The following SSBP2 variants were observed in gnomAD, a reference collection of about 807,000 sequenced individuals.
The protein encoded by SSBP2 is single-stranded DNA-binding protein 2.
A neutral mutation model predicts 61.8 loss-of-function variants in SSBP2; 17 were observed. The ratio of observed to expected loss-of-function variants is 0.28; its 90% CI spans 0.19 to 0.41. The LOEUF (loss-of-function observed/expected upper bound fraction) is 0.41, where lower values mean the gene tolerates loss of function less well. Ranked by LOEUF, SSBP2 falls within the 10% of genes least tolerant of loss-of-function variation. The pLI, the probability that SSBP2 is intolerant of heterozygous loss-of-function variation, is 1.00. For missense variants in SSBP2, 310 were observed against 458.7 expected, an observed-to-expected ratio of 0.68 and a Z score of 2.96; for synonymous variants, 139 against 141.3, an observed-to-expected ratio of 0.98 and a Z score of 0.12.
intron 4 of SSBP2, among the ~76,000 whole-genome samples, chr5:81,554,060 A>G (rs780914620): frequency 6.6e-6 from 1 of 152,114 alleles, no homozygotes; most frequent in Admixed American, 6.5e-5. Context: ...CATTAATTTT[A>G]AAAAAAGAGA....
At chr5:81,751,118 C>T (rs1757741909), upstream of SSBP2, 3 of 1,462,850 alleles carry the variant, frequency 2.1e-6, no homozygotes, top group Admixed American at 2.0e-5. Context: ...GCCCCGTCCC[C>T]ATGGCGACCC....
At chr5:81,501,558 CTTTT>C (rs1767772873) in intron 5 of SSBP2, among the ~76,000 whole-genome samples, 1 of 130,094 alleles carries the variant, frequency 7.7e-6, no homozygotes, top group Admixed American at 7.9e-5. Context: ...TTCTTTCTTT[CTTTT>C]CTTTTTTTTT....
At chr5:81,648,998 T>C (rs1190418659) in intron 2 of SSBP2, among the ~76,000 whole-genome samples, 1 of 152,086 alleles carries the variant, frequency 6.6e-6, no homozygotes, top group Non-Finnish European at 1.5e-5. Flanking sequence ...CACTTCTTAA[T>C]TGCATCATAT....
At chr5:81,556,533 T>C (rs1772619105) in intron 4 of SSBP2, among the ~76,000 whole-genome samples, 1 of 152,134 alleles carries the variant, frequency 6.6e-6, no homozygotes, top group African/African-American at 2.4e-5. Context: ...TACAAGTTTA[T>C]ATGCATGCAC....
chr5:81,750,651 T>C, intron 1 of SSBP2: 1 of 251,260 alleles, frequency 4.0e-6, no homozygotes, highest in Non-Finnish European at 7.6e-6. Context: ...GGACCCCAGC[T>C]CTAAAGTTAC....
chr5:81,428,988 G>A (rs1004857807), intron 15 of SSBP2, among the ~76,000 whole-genome samples: 2 of 148,042 alleles, frequency 1.4e-5, no homozygotes, highest in Non-Finnish European at 3.0e-5. Context: ...AAACACTGGA[G>A]AGTTTAAAAC....
At chr5:81,567,759 A>C (rs895539685) in intron 4 of SSBP2, among the ~76,000 whole-genome samples, 1 of 152,152 alleles carries the variant, frequency 6.6e-6, no homozygotes, top group African/African-American at 2.4e-5. Context: ...ATGGGAACCC[A>C]CCTCTTGCAT....
At chr5:81,583,418 A>G (rs987834606) in intron 4 of SSBP2, among the ~76,000 whole-genome samples, 24 of 152,116 alleles carry the variant, frequency 1.6e-4, no homozygotes, top group Non-Finnish European at 2.8e-4. Context: ...TCACAAGGTC[A>G]GGAGATTGAG....
intron 4 of SSBP2, among the ~76,000 whole-genome samples, chr5:81,545,269 C>A (rs998617208): frequency 5.3e-5 from 8 of 152,164 alleles, no homozygotes; most frequent in African/African-American, 1.9e-4. Context: ...TGTAACTGGG[C>A]ATCTTGAATT....
chr5:81,664,424 C>A (rs1447931491), intron 1 of SSBP2, among the ~76,000 whole-genome samples: 4 of 152,074 alleles, frequency 2.6e-5, no homozygotes, highest in Non-Finnish European at 4.4e-5. Flanking sequence ...GCCACCGCAC[C>A]CTTTTTGGTC....
intron 4 of SSBP2, among the ~76,000 whole-genome samples, chr5:81,542,780 T>C (rs890075597): frequency 6.6e-6 from 1 of 151,624 alleles, no homozygotes; most frequent in Non-Finnish European, 1.5e-5. Flanking sequence ...TAGTGACTTC[T>C]CATGAAATCT....
At chr5:81,443,432 A>T (rs140581449) in intron 12 of SSBP2, among the ~76,000 whole-genome samples, 1,537 of 152,294 alleles carry the variant, frequency 0.01, 22 homozygotes, top group African/African-American at 0.035. Context: ...CTGAGCATAC[A>T]TGTTTTTATA....
intron 5 of SSBP2, among the ~76,000 whole-genome samples, chr5:81,498,722 A>C (rs1767476338): frequency 6.6e-6 from 1 of 151,958 alleles, no homozygotes; most frequent in Non-Finnish European, 1.5e-5. Flanking sequence ...TCTATATTTT[A>C]CTTACAAGCA....
At chr5:81,506,635 C>T (rs922383352) in intron 5 of SSBP2, among the ~76,000 whole-genome samples, 1 of 151,904 alleles carries the variant, frequency 6.6e-6, no homozygotes, top group Non-Finnish European at 1.5e-5. Context: ...AAGGTAATGC[C>T]AAGACTAATA....
Position 81,528,799 on chromosome 5 carries a change from A to T in SSBP2, c.283-15082T>A, listed in dbSNP as rs1331802392. On this transcript the variant is annotated intron_variant, in intron 4 of 16. Coordinates refer to ENST00000320672, the MANE Select transcript of SSBP2 (RefSeq NM_012446.5). ...ACGGTCTTTAGTCAATAATGAAAGG[A>T]ACAATTTACAAGCAAGTTATAACAA... Among the ~76,000 whole-genome samples the T allele has an allele frequency of 5.9e-5, 9 of 152,102 alleles. No homozygotes were observed. The South Asian group carries it at 1.9e-3, about 31-fold the overall frequency.
chr5:81,669,209 C>G (rs1227312149), intron 1 of SSBP2, among the ~76,000 whole-genome samples: 1 of 152,154 alleles, frequency 6.6e-6, no homozygotes, highest in Non-Finnish European at 1.5e-5. Context: ...TGTAGAGTAA[C>G]AGAGATTTTC....
At chr5:81,633,891 A>C (rs1747962338) in intron 3 of SSBP2, among the ~76,000 whole-genome samples, 3 of 152,162 alleles carry the variant, frequency 2.0e-5, no homozygotes, top group Non-Finnish European at 4.4e-5. Flanking sequence ...TCTACTCCTT[A>C]CTGCACGAGC....
chr5:81,733,382 G>T (rs1189021307), intron 1 of SSBP2, among the ~76,000 whole-genome samples: 1 of 151,724 alleles, frequency 6.6e-6, no homozygotes, highest in African/African-American at 2.4e-5. Flanking sequence ...GAATGTCTTA[G>T]TCATGGTAAA....
intron 1 of SSBP2, among the ~76,000 whole-genome samples, chr5:81,719,139 C>A (rs411840): frequency 6.6e-6 from 1 of 151,906 alleles, no homozygotes; most frequent in Non-Finnish European, 1.5e-5. Flanking sequence ...AGGATCCAGA[C>A]GAGGTTGCCA....
Sources: gnomAD v4.1 joint callset for allele counts (sites outside exome capture counted in the v4.1 genomes callset) on GRCh38, gnomAD v4.1.1 for gene constraint, MANE v1.5 for transcripts, NCBI Gene and HGNC (gene_info 2026-07-23, HGNC 2026-07-21) for gene names.